Variants in TNFSF13B observed in about 807,000 individuals in gnomAD.
The protein encoded by TNFSF13B is TNF superfamily member 13b.
A neutral mutation model predicts 29.1 loss-of-function variants in TNFSF13B; 8 were observed. The ratio of observed to expected loss-of-function variants is 0.27; its 90% CI spans 0.16 to 0.50. The LOEUF is 0.50. Among genes scored for constraint, TNFSF13B ranks in the 20% least tolerant of loss-of-function variants. The pLI is 0.98. For missense variants in TNFSF13B, 248 were observed against 334.9 expected, an observed-to-expected ratio of 0.74 and a Z score of 2.03; for synonymous variants, 125 against 130.8, an observed-to-expected ratio of 0.96 and a Z score of 0.30.
At chr13:108,303,164 C>T in intron 3 of TNFSF13B, 89 bp from the exon 4 acceptor site, 36 of 799,152 alleles carry the variant, frequency 4.5e-5, no homozygotes, top group East Asian at 1.4e-4. Flanking sequence ...GAATTATCTT[C>T]TAAGTTTCAG....
chr13:108,271,780 A>AT (rs1398958211), intron 2 of TNFSF13B, among the ~76,000 whole-genome samples: 1 of 152,160 alleles, frequency 6.6e-6, no homozygotes, highest in Non-Finnish European at 1.5e-5. Context: ...TTATACAATA[A>AT]GGATTTTTCC....
chr13:108,282,215 A>C (rs1341839241), intron 2 of TNFSF13B, among the ~76,000 whole-genome samples: 1 of 152,216 alleles, frequency 6.6e-6, no homozygotes, highest in Non-Finnish European at 1.5e-5. Context: ...CTGTGGGTGC[A>C]GGTGATATGG....
chr13:108,304,626 G>A (rs1462918291), intron 5 of TNFSF13B, among the ~76,000 whole-genome samples: 2 of 152,092 alleles, frequency 1.3e-5, no homozygotes, highest in East Asian at 3.9e-4. Flanking sequence ...TAAAAATCCA[G>A]AACCCTGAGG....
intron 5 of TNFSF13B, among the ~76,000 whole-genome samples, chr13:108,306,370 T>G (rs1881775741): frequency 6.6e-6 from 1 of 152,070 alleles, no homozygotes; most frequent in Admixed American, 6.6e-5. Flanking sequence ...ATATTTATGC[T>G]TTTCATTTGT....
intron 3 of TNFSF13B, among the ~76,000 whole-genome samples, chr13:108,288,003 T>C (rs1881193167): frequency 6.6e-6 from 1 of 152,202 alleles, no homozygotes; most frequent in African/African-American, 2.4e-5. Context: ...TATTTTTCTT[T>C]GAGTCACAAG....
intron 2 of TNFSF13B, among the ~76,000 whole-genome samples, chr13:108,285,444 C>T (rs1419087776): frequency 3.3e-5 from 5 of 152,186 alleles, no homozygotes; most frequent in African/African-American, 1.2e-4. Context: ...GCCTTCTACA[C>T]AACTAGGCTC....
Position 108,303,514 on chromosome 13 carries a change from G to T in TNFSF13B, c.655G>T (p.Val219Phe). Residue 219 changes from valine (V) to phenylalanine (F), a missense_variant, in exon 5 of 6, where the codon GTC (valine) becomes TTC (phenylalanine). Physicochemically the swap from Val to Phe is conservative, Grantham distance 50. Coordinates refer to ENST00000375887, the MANE Select transcript of TNFSF13B (RefSeq NM_006573.5). Reference sequence around the variant, plus strand: ...TCTAATTCAGAGGAAGAAGGTCCATGTCTTTGGGGATGAATTGAGTCTGGT... The same window carrying T: ...TCTAATTCAGAGGAAGAAGGTCCATTTCTTTGGGGATGAATTGAGTCTGGT... ...GHLIQRKKVH[V>F]FGDELSLVTL... 6.2e-7 allele frequency: 1 copy of T among 1,613,788 alleles called. No individual in the cohort carries two copies. Among genetic ancestry groups the T allele is most frequent in the South Asian group, 1.1e-5 (1 of 91,076 alleles).
At position 108,298,866 on chromosome 13, in the gene TNFSF13B, G is replaced by A. The variant is rs977770451; in HGVS notation, c.482-4387G>A. Among the ~76,000 whole-genome samples the A allele has an allele frequency of 2.0e-4, 29 of 145,492 alleles. 5 individuals are homozygous for A. Among genetic ancestry groups the A allele is most frequent in the Non-Finnish European group, 3.5e-4 (23 of 65,606 alleles). On this transcript the variant is annotated intron_variant, in intron 3 of 5. Coordinates refer to ENST00000375887, the MANE Select transcript of TNFSF13B (RefSeq NM_006573.5). ...CTTGCCTGTAGTCGCAGCTACTCGG[G>A]AGGCTGAGGCAGGAGAATCACTCGA...
rs1009973844 is a variant in TNFSF13B, at chr13:108,296,094, T to C, written c.482-7159T>C. ...GATTTTAGGTGGAGTGTTTTCTATG[T>C]GTCTGTTAGGTTCAGTTAGTTTACA... On this transcript the variant is annotated intron_variant, in intron 3 of 5. Transcript: ENST00000375887. Among the ~76,000 whole-genome samples, 2 of 145,992 alleles carry C rather than the reference T, an allele frequency of 1.4e-5. 1 individual carries two copies. The highest frequency in any genetic ancestry group is 3.0e-5 in the Non-Finnish European group (2 of 65,620).
At chr13:108,306,083 T>C (rs1271302019) in intron 5 of TNFSF13B, among the ~76,000 whole-genome samples, 1 of 152,164 alleles carries the variant, frequency 6.6e-6, no homozygotes, top group Non-Finnish European at 1.5e-5. Flanking sequence ...AATTACCTGA[T>C]ACATTGAGTG....
chr13:108,296,009 T>C (rs1881449736), intron 3 of TNFSF13B, among the ~76,000 whole-genome samples: 1 of 146,388 alleles, frequency 6.8e-6, no homozygotes, highest in South Asian at 2.1e-4. Context: ...AATTATTTTG[T>C]TGCATAACAT....
intron 2 of TNFSF13B, among the ~76,000 whole-genome samples, chr13:108,274,103 C>T (rs1340736724): frequency 6.6e-6 from 1 of 152,032 alleles, no homozygotes; most frequent in Non-Finnish European, 1.5e-5. Context: ...CTACATAATA[C>T]ATATAATTTA....
chr13:108,306,884 A>G lies in TNFSF13B; in HGVS notation c.804A>G (p.Ala268=). 1 of 1,611,816 alleles carries G rather than the reference A, an allele frequency of 6.2e-7. No homozygotes were observed. Among genetic ancestry groups the G allele is most frequent in the Admixed American group, 1.7e-5 (1 of 59,762 alleles). ...AACTTGCAATACCAAGAGAAAATGC[A>G]CAAATATCACTGGATGGAGATGTCA... ...ELQLAIPREN[A]QISLDGDVTF... The change falls in exon 6 of 6, where the codon GCA becomes GCG. Residue 268 remains alanine, a synonymous_variant. Coordinates refer to ENST00000375887, the MANE Select transcript of TNFSF13B (RefSeq NM_006573.5).
Position 108,296,383 on chromosome 13 carries a change from A to G in TNFSF13B, c.482-6870A>G, listed in dbSNP as rs1451092938. 1.4e-5 allele frequency among the ~76,000 whole-genome samples: 2 copies of G among 145,552 alleles called. 1 individual carries two copies. Among genetic ancestry groups the G allele is most frequent in the Non-Finnish European group, 3.1e-5 (2 of 65,470 alleles). On this transcript the variant is annotated intron_variant, in intron 3 of 5. Transcript: ENST00000375887. ...TTTGGCTTAACATGTATTTATTCTGATATCAGTATTAGCCATCCCTGTTAT... is the reference window on the plus strand; with the variant it reads ...TTTGGCTTAACATGTATTTATTCTGGTATCAGTATTAGCCATCCCTGTTAT...
chr13:108,296,548 TA>T (rs1371425590), intron 3 of TNFSF13B, among the ~76,000 whole-genome samples: 3 of 145,654 alleles, frequency 2.1e-5, no homozygotes, highest in South Asian at 2.1e-4. Context: ...TTTGGGCTTT[TA>T]AAAAAATTAT....
At chr13:108,271,899 A>G (rs1555311319) in intron 2 of TNFSF13B, among the ~76,000 whole-genome samples, 1 of 152,006 alleles carries the variant, frequency 6.6e-6, no homozygotes, top group Admixed American at 6.6e-5. Flanking sequence ...TTTGCACAGA[A>G]CTCTTTTATT....
chr13:108,303,630 T>G (rs781518272), intron 5 of TNFSF13B, 26 bp downstream of exon 5: 71 of 1,588,204 alleles, frequency 4.5e-5, no homozygotes, highest in Non-Finnish European at 5.8e-5. Flanking sequence ...CACACCCTGC[T>G]AATTGTGAAA....
intron 2 of TNFSF13B, among the ~76,000 whole-genome samples, chr13:108,275,810 A>C (rs1040961152): frequency 6.6e-6 from 1 of 152,192 alleles, no homozygotes; most frequent in African/African-American, 2.4e-5. Flanking sequence ...CTATTAGCTA[A>C]ATTCTAGACT....
intron 2 of TNFSF13B, among the ~76,000 whole-genome samples, chr13:108,275,520 A>C (rs1299696788): frequency 6.6e-6 from 1 of 152,134 alleles, no homozygotes; most frequent in Admixed American, 6.5e-5. Flanking sequence ...TAATAATAAA[A>C]TAATAGTAAA....
Sources: allele counts gnomAD v4.1 joint callset (sites outside exome capture counted in the v4.1 genomes callset), GRCh38; gene constraint gnomAD v4.1.1; transcripts MANE v1.5; gene names NCBI Gene and HGNC (gene_info 2026-07-23, HGNC 2026-07-21).